The following DENND2A variants were observed in gnomAD, a reference collection of about 807,000 sequenced individuals.
The protein encoded by DENND2A is DENN domain-containing protein 2A.
In DENND2A, 53 loss-of-function variants were observed where a neutral mutation model predicts 105.3. The observed-to-expected ratio is 0.50, with a 90% confidence interval of 0.40 to 0.63. The LOEUF (loss-of-function observed/expected upper bound fraction) is 0.63, where lower values mean the gene tolerates loss of function less well. Among genes scored for constraint, DENND2A ranks in the 30% least tolerant of loss-of-function variants. The probability of loss-of-function intolerance (pLI) is 0.00; values close to 1 mark genes in which losing one functional copy is unlikely to be tolerated. For synonymous variants in DENND2A, 522 were observed against 508.4 expected (o/e 1.03, Z -0.36); for missense variants, 1,138 against 1,279.6 (o/e 0.89, Z 1.69).
At chr7:140,567,309 A>G (rs1797888564) in intron 8 of DENND2A, 36 bp from the exon 9 acceptor site, 2 of 1,152,296 alleles carry the variant, frequency 1.7e-6, no homozygotes, top group Non-Finnish European at 2.3e-6. Context: ...AGAGAAAGAG[A>G]GAGAGAGAGA....
At chr7:140,567,421 T>C (rs892517345) in intron 8 of DENND2A, 148 bp from the exon 9 acceptor site, 2 of 662,290 alleles carry the variant, frequency 3.0e-6, no homozygotes, top group East Asian at 5.8e-5. Context: ...TATGTAATTA[T>C]CAGCTCAAGT....
chr7:140,562,699 G>A (rs564703873), intron 9 of DENND2A, among the ~76,000 whole-genome samples: 98 of 150,964 alleles, frequency 6.5e-4, no homozygotes, highest in African/African-American at 2.1e-3. Flanking sequence ...AAAAAAACCC[G>A]CTTCCAGTAT....
intron 2 of DENND2A, among the ~76,000 whole-genome samples, chr7:140,603,094 C>G (rs951326642): frequency 6.6e-6 from 1 of 152,040 alleles, no homozygotes; most frequent in Non-Finnish European, 1.5e-5. Context: ...ACCAGCCTGG[C>G]TAACATGGTG....
At chr7:140,592,590 G>C (rs1396261017) in intron 3 of DENND2A, among the ~76,000 whole-genome samples, 2 of 147,818 alleles carry the variant, frequency 1.4e-5, no homozygotes, top group Non-Finnish European at 3.0e-5. Flanking sequence ...GGTGATCCGT[G>C]CCCTGCCCTT....
At chr7:140,558,793 C>G (rs564318337) in intron 10 of DENND2A, among the ~76,000 whole-genome samples, 9 of 133,968 alleles carry the variant, frequency 6.7e-5, no homozygotes, top group African/African-American at 2.5e-4. Context: ...CCTGGGCTAT[C>G]CTGTCATTTT....
upstream of DENND2A, chr7:140,640,897 C>G (rs1294958532): frequency 1.3e-5 from 2 of 152,020 alleles, no homozygotes; most frequent in African/African-American, 4.8e-5. This position sits in a 1 kb window ranked among gnomAD's most constrained non-coding sequence, Gnocchi z 4.9. Flanking sequence ...CCGGTTGCCA[C>G]GGCAACCCCT....
At chr7:140,568,697 G>C (rs1797969940) in intron 8 of DENND2A, 66 bp downstream of exon 8, 7 of 1,534,976 alleles carry the variant, frequency 4.6e-6, no homozygotes, top group African/African-American at 1.4e-5. Flanking sequence ...ATACTAAGGA[G>C]GAGGGGCCAC....
intron 14 of DENND2A, among the ~76,000 whole-genome samples, chr7:140,540,736 T>C (rs1479105747): frequency 2.0e-5 from 3 of 151,572 alleles, no homozygotes; most frequent in East Asian, 3.9e-4. Context: ...TTTTTTTTTT[T>C]AGACAGGGTC....
intron 14 of DENND2A, among the ~76,000 whole-genome samples, chr7:140,536,772 C>T (rs1796469957): frequency 6.6e-6 from 1 of 152,102 alleles, no homozygotes; most frequent in South Asian, 2.1e-4. Flanking sequence ...AAGTGATTCT[C>T]CTGCCTCAGC....
chr7:140,574,003 T>C lies in DENND2A; in HGVS notation c.1251A>G (p.Ser417=). The change falls in exon 6 of 20, where the codon TCA becomes TCG. Residue 417 remains serine (S), a synonymous_variant. Transcript: ENST00000496613. ...GTCGGAAAAAAGCAGGTTTGGACAA[T>C]GACTGCTGTGAAGGAAAAGGAGAAA... ...SSIPDTLTKQ[S]LSKPAFFRQN... is the part of the protein sequence containing the mutation. 1.2e-6 allele frequency: 2 copies of C among 1,614,058 alleles called. No homozygotes were observed. Among genetic ancestry groups the C allele is most frequent in the South Asian group, 1.1e-5 (1 of 91,068 alleles).
intron 14 of DENND2A, among the ~76,000 whole-genome samples, chr7:140,531,286 G>T (rs1445518152): frequency 6.6e-6 from 1 of 152,166 alleles, no homozygotes; most frequent in African/African-American, 2.4e-5. Flanking sequence ...TGCTATGCTC[G>T]TGTGCTATGG....
chr7:140,581,329 T>C (rs953204732), intron 5 of DENND2A, among the ~76,000 whole-genome samples: 9 of 152,180 alleles, frequency 5.9e-5, no homozygotes, highest in Admixed American at 2.0e-4. Flanking sequence ...TTTCAGGAGC[T>C]TGCAGTTTGC....
chr7:140,607,609 C>G (rs1025975455), intron 1 of DENND2A, among the ~76,000 whole-genome samples: 3 of 152,180 alleles, frequency 2.0e-5, no homozygotes, highest in Admixed American at 6.5e-5. Context: ...CCTGAAAGGC[C>G]TTTCAGGGAC....
chr7:140,519,571 G>T (rs1795778242), intron 19 of DENND2A, 61 bp downstream of exon 19: 8 of 1,491,172 alleles, frequency 5.4e-6, no homozygotes, highest in Non-Finnish European at 6.5e-6. Flanking sequence ...GAACCGGCTG[G>T]GACTCCGAGA....
At chr7:140,620,536 T>C (rs1800248890) in intron 1 of DENND2A, among the ~76,000 whole-genome samples, 1 of 152,174 alleles carries the variant, frequency 6.6e-6, no homozygotes, top group South Asian at 2.1e-4. Context: ...AATTTTCTAT[T>C]ATAAGCATAT....
Position 140,532,029 on chromosome 7 carries a change from G to A in DENND2A, c.2328-4534C>T, listed in dbSNP as rs1269645214. Among the ~76,000 whole-genome samples the A allele has an allele frequency of 2.6e-5, 4 of 152,022 alleles. No individual in the cohort carries two copies. The East Asian group carries it at 7.7e-4, about 29-fold the overall frequency. On this transcript the variant is annotated intron_variant, in intron 14 of 19. Coordinates refer to ENST00000496613, the MANE Select transcript of DENND2A (RefSeq NM_015689.5). ...TGCAATCCCAGCACTTTGGGAAGCTGAGGCAGGTAGATCACCTGAGGTCAG... is the reference window on the plus strand; with the variant it reads ...TGCAATCCCAGCACTTTGGGAAGCTAAGGCAGGTAGATCACCTGAGGTCAG...
chr7:140,544,613 G>C lies in DENND2A; in HGVS notation c.2327+5C>G. The C allele has an allele frequency of 6.2e-7, 1 of 1,614,174 alleles. No individual in the cohort carries two copies. The highest frequency in any genetic ancestry group is 8.5e-7 in the Non-Finnish European group (1 of 1,180,042). ...CGCTTTAGCAGAAGTAGCCAAGGCG[G>C]GTACCTGAGCTTGTCTGCAATGAAG... On this transcript the variant is annotated splice_donor_5th_base_variant and intron_variant, in intron 14 of 19. Transcript: ENST00000496613.
chr7:140,564,529 C>A (rs669797), intron 9 of DENND2A, among the ~76,000 whole-genome samples: 68,850 of 151,946 alleles, frequency 0.45, 16,207 homozygotes, highest in African/African-American at 0.57. Context: ...TTTGTAAGAA[C>A]ATTACACCAT....
chr7:140,635,798 C>T (rs991816113), intron 1 of DENND2A, among the ~76,000 whole-genome samples: 1 of 152,152 alleles, frequency 6.6e-6, no homozygotes. Flanking sequence ...AAGGTAGAGT[C>T]GCAATTCTAG....
Sources: allele counts gnomAD v4.1 joint callset (sites outside exome capture counted in the v4.1 genomes callset), GRCh38; gene constraint gnomAD v4.1.1; non-coding constraint Gnocchi (gnomAD v3.1); transcripts MANE v1.5; gene names NCBI Gene and HGNC (gene_info 2026-07-23, HGNC 2026-07-21).